Variants in TRDN observed in about 807,000 individuals in gnomAD.
TRDN encodes the protein triadin.
Under a neutral mutation model 149.7 loss-of-function variants are expected in TRDN, and 161 were observed. The observed-to-expected ratio is 1.08, with a 90% confidence interval of 0.95 to 1.23. The LOEUF is 1.23. Among genes scored for constraint, TRDN ranks in the 50% most tolerant of loss-of-function variants. The pLI, the probability that TRDN is intolerant of heterozygous loss-of-function variation, is 0.00. For synonymous variants in TRDN, 294 were observed against 250.5 expected, an observed-to-expected ratio of 1.17 and a Z score of -1.64; for missense variants, 896 against 823.5, an observed-to-expected ratio of 1.09 and a Z score of -1.08.
chr6:123,335,359 C>A (rs1459366195), intron 22 of TRDN, among the ~76,000 whole-genome samples: 1 of 151,686 alleles, frequency 6.6e-6, no homozygotes, highest in Non-Finnish European at 1.5e-5. Flanking sequence ...GATAATTTTA[C>A]ATTGAGCAAA....
At chr6:123,397,468 T>G (rs1357236855) in intron 12 of TRDN, among the ~76,000 whole-genome samples, 1 of 152,164 alleles carries the variant, frequency 6.6e-6, no homozygotes, top group African/African-American at 2.4e-5. Flanking sequence ...TTATTCAACT[T>G]TATAACTCCA....
At chr6:123,634,941 C>A (rs1028761394) in intron 1 of TRDN, among the ~76,000 whole-genome samples, 1 of 151,798 alleles carries the variant, frequency 6.6e-6, no homozygotes, top group Non-Finnish European at 1.5e-5. Flanking sequence ...TTTAAACCCC[C>A]GCAGAGCAAA....
intron 2 of TRDN, among the ~76,000 whole-genome samples, chr6:123,569,134 T>A (rs574553291): frequency 2.0e-5 from 3 of 152,308 alleles, no homozygotes; most frequent in Admixed American, 2.0e-4. Flanking sequence ...GCAGATACAC[T>A]ACATCATTAC....
At chr6:123,424,474 T>C (rs929994488) in intron 12 of TRDN, among the ~76,000 whole-genome samples, 2 of 152,118 alleles carry the variant, frequency 1.3e-5, no homozygotes, top group Non-Finnish European at 2.9e-5. Context: ...TCAATTAGCT[T>C]TCTGTCTGCG....
chr6:123,231,455 A>T (rs1293157618), intron 38 of TRDN, among the ~76,000 whole-genome samples: 1 of 152,006 alleles, frequency 6.6e-6, no homozygotes, highest in Non-Finnish European at 1.5e-5. Flanking sequence ...AAAGAGAATG[A>T]TGGGATCAAA....
At chr6:123,235,238 A>G (rs1775742605) in intron 38 of TRDN, among the ~76,000 whole-genome samples, 1 of 152,120 alleles carries the variant, frequency 6.6e-6, no homozygotes, top group African/African-American at 2.4e-5. Context: ...TATTTCCCAA[A>G]GGAAGTTAGA....
intron 23 of TRDN, among the ~76,000 whole-genome samples, chr6:123,319,202 A>C (rs1008132637): frequency 2.0e-5 from 3 of 152,084 alleles, no homozygotes; most frequent in Admixed American, 2.0e-4. Context: ...AAATTGCATG[A>C]TCTTTCAAAG....
In TRDN at chr6:123,624,837, G is replaced by A. The variant is rs1785567670; in HGVS notation, c.22+11917C>T. On this transcript the variant is annotated intron_variant, in intron 1 of 40. Coordinates refer to ENST00000334268, the MANE Select transcript of TRDN (RefSeq NM_006073.4). ...TCAGCAATAGAGGTTCAAATAATGG[G>A]AGAACACTCAGATGGGATGACAGGG... 1.3e-5 allele frequency among the ~76,000 whole-genome samples: 2 copies of A among 152,074 alleles called. 1 individual carries two copies. The highest frequency in any genetic ancestry group is 4.1e-4 in the South Asian group (2 of 4,828).
rs553655761 is a variant in TRDN at position 123,358,574 on chromosome 6, C to T, written c.1322-5988G>A. Among the ~76,000 whole-genome samples the T allele has an allele frequency of 1.4e-4, 21 of 152,202 alleles. 2 individuals are homozygous for T. The highest frequency in any genetic ancestry group is 5.1e-4 in the African/African-American group (21 of 41,526). ...CTGCCTTCTGGGTTCAAGCGATTCT[C>T]CTGCCTTAGCCTCCCGAGTAGCTGG... On this transcript the variant is annotated intron_variant, in intron 20 of 40. Coordinates refer to ENST00000334268, the MANE Select transcript of TRDN (RefSeq NM_006073.4).
chr6:123,479,223 T>C (rs1358731487), intron 9 of TRDN, among the ~76,000 whole-genome samples: 1 of 152,178 alleles, frequency 6.6e-6, no homozygotes, highest in Non-Finnish European at 1.5e-5. Flanking sequence ...GTGGTTTTTT[T>C]CCCCAATCAT....
At chr6:123,278,968 A>G in intron 25 of TRDN, 88 bp downstream of exon 25, 2 of 1,224,360 alleles carry the variant, frequency 1.6e-6, no homozygotes, top group South Asian at 1.6e-5. Context: ...CATGAAATCA[A>G]GATAAATAAC....
At chr6:123,349,655 C>A (rs1195201515) in intron 21 of TRDN, 1 of 951,832 alleles carries the variant, frequency 1.1e-6, no homozygotes, top group Non-Finnish European at 1.3e-6. Flanking sequence ...TTTTTTATAA[C>A]TTTGGTACAC....
intron 12 of TRDN, among the ~76,000 whole-genome samples, chr6:123,394,189 T>C (rs1344220077): frequency 2.0e-5 from 3 of 152,092 alleles, no homozygotes; most frequent in African/African-American, 4.8e-5. Flanking sequence ...CTGGGCAAAA[T>C]ATATCCGAGA....
intron 12 of TRDN, among the ~76,000 whole-genome samples, chr6:123,395,406 C>A (rs897686938): frequency 6.6e-6 from 1 of 152,112 alleles, no homozygotes; most frequent in African/African-American, 2.4e-5. Flanking sequence ...CAGAAACATG[C>A]CCCTGAGTGC....
chr6:123,251,510 TA>T (rs1776371144), intron 38 of TRDN, among the ~76,000 whole-genome samples: 2 of 152,068 alleles, frequency 1.3e-5, no homozygotes, highest in African/African-American at 4.8e-5. Flanking sequence ...AAAATATTAC[TA>T]AAATTATTTC....
chr6:123,577,727 C>T (rs1782927615), intron 1 of TRDN, among the ~76,000 whole-genome samples: 1 of 152,168 alleles, frequency 6.6e-6, no homozygotes, highest in Admixed American at 6.5e-5. Context: ...CTGCTTTCCA[C>T]AATAGTTGAA....
chr6:123,294,914 G>T (rs1778141407), intron 24 of TRDN, among the ~76,000 whole-genome samples: 1 of 152,064 alleles, frequency 6.6e-6, no homozygotes, highest in Admixed American at 6.6e-5. Context: ...CCAGTGCTAG[G>T]CAGGGCCTAC....
chr6:123,385,769 C>T (rs552430217), intron 14 of TRDN, among the ~76,000 whole-genome samples: 18 of 152,020 alleles, frequency 1.2e-4, no homozygotes, highest in East Asian at 5.8e-4. Context: ...CCTAGAATTC[C>T]GGTTGCTAGG....
chr6:123,324,551 A>T (rs1475585935), intron 23 of TRDN, among the ~76,000 whole-genome samples: 2 of 152,156 alleles, frequency 1.3e-5, no homozygotes, highest in Non-Finnish European at 2.9e-5. Flanking sequence ...TGGAGTGATA[A>T]GACAGGTTGC....
Sources: gnomAD v4.1 joint callset for allele counts (sites outside exome capture counted in the v4.1 genomes callset) on GRCh38, gnomAD v4.1.1 for gene constraint, MANE v1.5 for transcripts, NCBI Gene and HGNC (gene_info 2026-07-23, HGNC 2026-07-21) for gene names.